MRPL43: variants seen among roughly 807,000 people sequenced by gnomAD.
MRPL43 encodes the protein mitochondrial ribosomal protein L43.
A neutral mutation model predicts 12.7 loss-of-function variants in MRPL43; 9 were observed. That is an observed-to-expected ratio of 0.71 (90% CI 0.43 to 1.24). MRPL43 has a LOEUF of 1.24. MRPL43 is among the 50% of genes most tolerant of loss of function. The pLI is 0.00. For missense variants in MRPL43, 211 were observed against 229.2 expected, an observed-to-expected ratio of 0.92 and a Z score of 0.51; for synonymous variants, 116 against 96.4, an observed-to-expected ratio of 1.20 and a Z score of -1.19.
chr10:100,983,969 C>T (rs1387547863), downstream of MRPL43: 2 of 1,612,390 alleles, frequency 1.2e-6, no homozygotes, highest in Admixed American at 1.7e-5. Context: ...TGGCACTGCC[C>T]AGCCGGCTGC....
chr10:100,983,850 G>A (rs1851270194), downstream of MRPL43: 5 of 1,590,034 alleles, frequency 3.1e-6, no homozygotes, highest in Admixed American at 1.8e-5. Flanking sequence ...TGATGAGGGG[G>A]CTGGGGGCCT....
At chr10:100,983,486 T>C (rs1851232858), downstream of MRPL43, 1 of 1,614,192 alleles carries the variant, frequency 6.2e-7, no homozygotes, top group Non-Finnish European at 8.5e-7. Context: ...ATGCACAGCC[T>C]GAGCACAGTG....
chr10:100,983,439 G>A, downstream of MRPL43: 1 of 1,613,964 alleles, frequency 6.2e-7, no homozygotes, highest in Non-Finnish European at 8.5e-7. Context: ...TGGGCAGGGT[G>A]GCTACCGTGT....
chr10:100,979,306 C>T (rs779148627), downstream of MRPL43: 61 of 1,613,926 alleles, frequency 3.8e-5, no homozygotes, highest in East Asian at 1.1e-4. Flanking sequence ...CAAGAAACTG[C>T]GGACAGCATA....
Position 100,987,452 on chromosome 10 carries a change from C to T in MRPL43, c.-9G>A. 2.5e-6 allele frequency: 4 copies of T among 1,611,582 alleles called. No individual in the cohort carries two copies. The East Asian group carries it at 8.9e-5, about 36-fold the overall frequency. On this transcript the variant is annotated 5_prime_UTR_variant, in exon 1 of 3. Transcript: ENST00000318364. ...GTCCCGCGCGCCGTCATAGCTACAG[C>T]TTGGAGGCCGCGGAGCCTAAGCAGC...
downstream of MRPL43, chr10:100,983,438 T>G (rs1589998724): frequency 6.2e-7 from 1 of 1,613,714 alleles, no homozygotes; most frequent in Non-Finnish European, 8.5e-7. Flanking sequence ...ATGGGCAGGG[T>G]GGCTACCGTG....
Position 100,987,139 on chromosome 10 carries a change from T to C in MRPL43, c.189A>G (p.Ile63Met), listed in dbSNP as rs755240214. Residue 63 changes from isoleucine (I) to methionine (M), a missense_variant, in exon 2 of 3, where the codon ATA becomes ATG. Coordinates refer to ENST00000318364, the MANE Select transcript of MRPL43 (RefSeq NM_032112.3). ...DFARRNPGVVIYVNSRPCCVP... is the reference protein window; with the variant it reads ...DFARRNPGVVMYVNSRPCCVP... ...CGCAGCACGGACGCGAGTTTACATA[T>C]ATTACGACCCCTGGATTCCGTCGGG... 7 of 1,613,708 alleles carry C rather than the reference T, an allele frequency of 4.3e-6. No homozygotes were observed. In the African/African-American group the frequency reaches 9.3e-5, roughly 22 times the overall value.
chr10:100,979,523 T>C (rs1850955989), downstream of MRPL43: 4 of 990,484 alleles, frequency 4.0e-6, no homozygotes, highest in Admixed American at 5.8e-5. Flanking sequence ...GCTGGGACTA[T>C]AGGCGTGTGC....
chr10:100,985,157 C>T (rs899075093), downstream of MRPL43: 2 of 405,426 alleles, frequency 4.9e-6, no homozygotes, highest in Non-Finnish European at 8.8e-6. Context: ...CATTTGCTTC[C>T]TCTAGACTAC....
At chr10:100,984,864 C>A, downstream of MRPL43, 2 of 1,490,766 alleles carry the variant, frequency 1.3e-6, no homozygotes, top group Non-Finnish European at 1.8e-6. Context: ...TCAGCCTCCC[C>A]ACTCTCCTTG....
At chr10:100,978,742 C>G (rs904503921), downstream of MRPL43, 18 of 1,552,546 alleles carry the variant, frequency 1.2e-5, no homozygotes, top group Admixed American at 1.6e-4. Context: ...CCCAGGTGAG[C>G]CTGTCCATTC....
chr10:100,987,243 A>C (rs1226721994), intron 1 of MRPL43, 47 bp from the exon 2 acceptor site: 1 of 1,612,492 alleles, frequency 6.2e-7, no homozygotes, highest in Non-Finnish European at 8.5e-7. Context: ...ACTGGGGGCG[A>C]CCTACCCGGG....
chr10:100,982,044 T>G (rs1589994973), downstream of MRPL43, among the ~76,000 whole-genome samples: 1 of 133,330 alleles, frequency 7.5e-6, no homozygotes. Context: ...GATAACAGAG[T>G]GAGACCTCAT....
chr10:100,977,860 G>A (rs1233238135), downstream of MRPL43: 3 of 764,778 alleles, frequency 3.9e-6, no homozygotes, highest in African/African-American at 5.2e-5. Context: ...TTCCATACAG[G>A]GCACTCCAGT....
downstream of MRPL43, chr10:100,984,254 T>G (rs976114197): frequency 6.9e-7 from 1 of 1,447,544 alleles, no homozygotes; most frequent in Non-Finnish European, 9.0e-7. Context: ...TCCCAACTTT[T>G]TGATGTCCCT....
chr10:100,985,131 T>C (rs1851373532), downstream of MRPL43: 2 of 441,208 alleles, frequency 4.5e-6, no homozygotes, highest in South Asian at 1.4e-4. Context: ...CCAGCCTCTC[T>C]TTTGGGGGAA....
In MRPL43 at chr10:100,986,345, T is replaced by C; in HGVS notation, c.*389A>G. The C allele has an allele frequency of 6.9e-7, 1 of 1,440,072 alleles. No individual in the cohort carries two copies. The highest frequency in any genetic ancestry group is 2.6e-4 in the Middle Eastern group (1 of 3,900). 89.2% of individuals were successfully genotyped at this position (1,440,072 alleles called of 1,614,324 possible). ...ACACAGATATAAAGTGCCTAGCCCA[T>C]CACAGCAGAGCTCTCCGTAGCTCAG... On this transcript the variant is annotated 3_prime_UTR_variant, in exon 3 of 3. Transcript: ENST00000318364.
At chr10:100,981,627 A>G (rs1851080885), downstream of MRPL43, 3 of 1,498,380 alleles carry the variant, frequency 2.0e-6, no homozygotes, top group Admixed American at 5.1e-5. Flanking sequence ...AAATACTTCT[A>G]TGCATGATGT....
chr10:100,987,010 G>A (rs1229424761), intron 2 of MRPL43, 35 bp from the exon 3 acceptor site: 2 of 1,605,206 alleles, frequency 1.2e-6, no homozygotes, highest in African/African-American at 1.3e-5. Flanking sequence ...GTGGAAGCTG[G>A]CCGGTGCGAC....
Sources: allele counts gnomAD v4.1 joint callset (sites outside exome capture counted in the v4.1 genomes callset), GRCh38; gene constraint gnomAD v4.1.1; transcripts MANE v1.5; gene names NCBI Gene and HGNC (gene_info 2026-07-23, HGNC 2026-07-21).